The following MTMR2 variants were observed in gnomAD, a reference collection of about 807,000 sequenced individuals.
The protein encoded by MTMR2 is myotubularin related protein 2, also known as phosphatidylinositol-3,5-bisphosphate 3-phosphatase MTMR2.
In MTMR2, 55 loss-of-function variants were observed where a neutral mutation model predicts 86.9. That is an observed-to-expected ratio of 0.63 (90% CI 0.51 to 0.79). MTMR2 has a LOEUF of 0.79. Ranked by LOEUF, MTMR2 falls within the 30% of genes least tolerant of loss-of-function variation. The pLI is 0.00. For synonymous variants in MTMR2, 241 were observed against 266.8 expected, an observed-to-expected ratio of 0.90 and a Z score of 0.94; for missense variants, 659 against 772.3, an observed-to-expected ratio of 0.85 and a Z score of 1.74.
At chr11:95,858,413 T>C in intron 6 of MTMR2, 118 bp downstream of exon 6, 1 of 760,168 alleles carries the variant, frequency 1.3e-6, no homozygotes, top group Non-Finnish European at 2.4e-6. Context: ...ACACTATACA[T>C]CTGGTTAAAT....
chr11:95,873,813 T>C (rs1173949413), intron 2 of MTMR2, among the ~76,000 whole-genome samples: 14 of 151,514 alleles, frequency 9.2e-5, no homozygotes, highest in South Asian at 6.3e-4. Flanking sequence ...CTCATTGGTT[T>C]CAAAGAACAT....
intron 2 of MTMR2, among the ~76,000 whole-genome samples, chr11:95,885,420 G>A (rs1344031048): frequency 6.6e-6 from 1 of 152,078 alleles, no homozygotes; most frequent in African/African-American, 2.4e-5. Context: ...ACTGAGGGAG[G>A]AAATATATAT....
At chr11:95,835,839 T>C (rs1863247224) in intron 14 of MTMR2, among the ~76,000 whole-genome samples, 1 of 152,042 alleles carries the variant, frequency 6.6e-6, no homozygotes, top group Non-Finnish European at 1.5e-5. Flanking sequence ...TTTGTTCAGC[T>C]TTTAACTTTC....
rs774704606 is a variant in MTMR2 at position 95,836,333 on chromosome 11, A to C, written c.1594-9T>G. 3 of 1,589,652 alleles carry C rather than the reference A, an allele frequency of 1.9e-6. No individual in the cohort carries two copies. In the East Asian group the frequency reaches 6.7e-5, roughly 35 times the overall value. On this transcript the variant is annotated splice_polypyrimidine_tract_variant and intron_variant, in intron 13 of 14. Coordinates refer to ENST00000346299, the MANE Select transcript of MTMR2 (RefSeq NM_016156.6). ...GTCCTTTTAGGAAGATTCTGTAGGC[A>C]GGAAAAATAGGTAAAGATTCTCCAC... is the stretch of plus-strand genomic sequence containing the variant.
chr11:95,846,267 T>C (rs1863785992), intron 10 of MTMR2, among the ~76,000 whole-genome samples: 1 of 152,222 alleles, frequency 6.6e-6, no homozygotes, highest in African/African-American at 2.4e-5. Flanking sequence ...TAATTGTTCA[T>C]TCATTCATTA....
At chr11:95,870,731 C>CTTT (rs1158293839) in intron 2 of MTMR2, among the ~76,000 whole-genome samples, 1,700 of 129,880 alleles carry the variant, frequency 0.013, 45 homozygotes, top group African/African-American at 0.048. Context: ...TTCTTTTTTT[C>CTTT]TTTTTCTTTT....
At chr11:95,915,775 G>A (rs1172038291) in intron 1 of MTMR2, among the ~76,000 whole-genome samples, 1 of 152,158 alleles carries the variant, frequency 6.6e-6, no homozygotes, top group Non-Finnish European at 1.5e-5. Context: ...TTGGAAGTAA[G>A]CAGAGTAGGC....
intron 1 of MTMR2, among the ~76,000 whole-genome samples, chr11:95,905,331 G>GCGCGCGCGCGCGCGCACACA (rs928252045): frequency 2.0e-4 from 29 of 148,096 alleles, no homozygotes; most frequent in Non-Finnish European, 3.0e-4. Context: ...ACGCACCTGC[G>GCGCGCGCGCGCGCGCACACA]CACACACACA....
chr11:95,865,169 G>C (rs1864566967), intron 3 of MTMR2, among the ~76,000 whole-genome samples: 1 of 152,072 alleles, frequency 6.6e-6, no homozygotes, highest in African/African-American at 2.4e-5. Context: ...AGAGAAGAAA[G>C]ACATGAAGGA....
intron 7 of MTMR2, among the ~76,000 whole-genome samples, chr11:95,855,770 C>T (rs1010366272): frequency 6.6e-6 from 1 of 152,100 alleles, no homozygotes; most frequent in African/African-American, 2.4e-5. Flanking sequence ...ACTAATCCTT[C>T]AAACATCCCA....
At chr11:95,916,008 A>G (rs1027861576) in intron 1 of MTMR2, among the ~76,000 whole-genome samples, 2 of 152,174 alleles carry the variant, frequency 1.3e-5, no homozygotes, top group Non-Finnish European at 2.9e-5. Context: ...TAAACTCAAG[A>G]GTTCAGAGTG....
chr11:95,851,108 G>A (rs1206702457), intron 7 of MTMR2, among the ~76,000 whole-genome samples: 11 of 145,170 alleles, frequency 7.6e-5, no homozygotes, highest in African/African-American at 2.3e-4. Flanking sequence ...TGTCGCCCAG[G>A]CTGGAGTGCA....
At position 95,849,715 on chromosome 11, in the gene MTMR2, T is replaced by C. The variant is rs764763872; in HGVS notation, c.952A>G (p.Ile318Val). 1 of 1,614,066 alleles carries C rather than the reference T, an allele frequency of 6.2e-7. No individual in the cohort carries two copies. The highest frequency in any genetic ancestry group is 8.5e-7 in the Non-Finnish European group (1 of 1,179,964). The change falls in exon 9 of 15, where the codon ATA (isoleucine) becomes GTA (valine). Residue 318 changes from isoleucine to valine, a missense_variant. Around this residue, in one of 3 missense-constraint regions of MTMR2, gnomAD observed 387 missense variants for 526.3 expected, o/e 0.74. Coordinates refer to ENST00000346299, the MANE Select transcript of MTMR2 (RefSeq NM_016156.6). ...TTAACACTTGGCCGGGCATCAAATA[T>C]AAAGATTTTGTGAGACTGGGCATTG... ...DSNAQSHKIF[I>V]FDARPSVNAV...
Position 95,833,653 on chromosome 11 carries a change from C to T in MTMR2, c.*1637G>A, listed in dbSNP as rs1008064489. Reference sequence around the variant, plus strand: ...GCTTTAAATTCTTGATCTCTTCAGCCATTCTACATTCTTTTATGTGGTATC... The same window carrying T: ...GCTTTAAATTCTTGATCTCTTCAGCTATTCTACATTCTTTTATGTGGTATC... On this transcript the variant is annotated 3_prime_UTR_variant, in exon 15 of 15. Transcript: ENST00000346299. 17 of 152,044 alleles carry T rather than the reference C, an allele frequency of 1.1e-4. No homozygotes were observed. The highest frequency in any genetic ancestry group is 4.1e-4 in the African/African-American group (17 of 41,396). The allele number at this position is 152,044 out of a possible 1,614,324, so 9.4% of individuals were successfully genotyped here. A position where few individuals can be genotyped will look rare whatever the true frequency, so the allele number is the denominator to read the frequency against.
chr11:95,887,898 T>C, intron 2 of MTMR2: 1 of 410,562 alleles, frequency 2.4e-6, no homozygotes, highest in East Asian at 5.2e-5. Flanking sequence ...CATAAAAATC[T>C]TTTATACCAC....
intron 11 of MTMR2, among the ~76,000 whole-genome samples, chr11:95,842,203 TTC>T (rs1445828692): frequency 2.6e-5 from 4 of 152,216 alleles, no homozygotes; most frequent in African/African-American, 9.6e-5. Flanking sequence ...CTCAGATATT[TTC>T]TGACACAAGT....
At chr11:95,886,697 A>G (rs1432004924) in intron 2 of MTMR2, among the ~76,000 whole-genome samples, 1 of 152,208 alleles carries the variant, frequency 6.6e-6, no homozygotes, top group Non-Finnish European at 1.5e-5. Context: ...TTCCTGAGTT[A>G]TCAGTCACAA....
intron 14 of MTMR2, among the ~76,000 whole-genome samples, 157 bp downstream of exon 14, chr11:95,835,991 G>A (rs891130776): frequency 6.6e-6 from 1 of 152,018 alleles, no homozygotes; most frequent in Non-Finnish European, 1.5e-5. Context: ...TGATTACCCT[G>A]CCCCAGTGTA....
intron 2 of MTMR2, among the ~76,000 whole-genome samples, chr11:95,876,547 G>GA (rs771710723): frequency 3.9e-4 from 59 of 152,126 alleles, no homozygotes; most frequent in Non-Finnish European, 7.8e-4. Flanking sequence ...CAATAGGTAA[G>GA]ATTCCATAAA....
Sources: allele counts gnomAD v4.1 joint callset (sites outside exome capture counted in the v4.1 genomes callset), GRCh38; gene constraint gnomAD v4.1.1; regional missense constraint gnomAD v4.1.1; transcripts MANE v1.5; gene names NCBI Gene and HGNC (gene_info 2026-07-23, HGNC 2026-07-21).